Variants in SPMIP2 observed in about 807,000 individuals in gnomAD.
SPMIP2 encodes the protein sperm microtubule inner protein 2.
chr4:158,966,776 A>C, the SPMIP2 span, among the ~76,000 whole-genome samples: 1 of 152,220 alleles, frequency 6.6e-6, no homozygotes, highest in South Asian at 2.1e-4. Context: ...ACCAAGCTTT[A>C]CATTACTTTG....
the SPMIP2 span, among the ~76,000 whole-genome samples, chr4:159,028,074 C>T: frequency 6.6e-6 from 1 of 152,174 alleles, no homozygotes; most frequent in Admixed American, 6.5e-5. Flanking sequence ...CATAAATACC[C>T]CATATAAACA....
chr4:159,069,169 G>A, the SPMIP2 span, among the ~76,000 whole-genome samples: 1 of 152,066 alleles, frequency 6.6e-6, no homozygotes, highest in Non-Finnish European at 1.5e-5. Flanking sequence ...CAGGCGTGGT[G>A]GTGGGTGCCT....
the SPMIP2 span, among the ~76,000 whole-genome samples, chr4:159,062,271 T>G: frequency 3.2e-4 from 48 of 152,346 alleles, no homozygotes; most frequent in African/African-American, 1.0e-3. Context: ...AAGGGTTACA[T>G]AGATTTGAAA....
chr4:158,936,187 T>G, the SPMIP2 span, among the ~76,000 whole-genome samples: 1 of 152,308 alleles, frequency 6.6e-6, no homozygotes, highest in African/African-American at 2.4e-5. Flanking sequence ...TAAAAATAAT[T>G]CTAATAAGTG....
At chr4:158,977,445 T>C in the SPMIP2 span, among the ~76,000 whole-genome samples, 2 of 152,128 alleles carry the variant, frequency 1.3e-5, no homozygotes. Context: ...TGATCTCCCC[T>C]TTATCATTTT....
At chr4:159,029,081 CA>C in the SPMIP2 span, among the ~76,000 whole-genome samples, 1 of 152,144 alleles carries the variant, frequency 6.6e-6, no homozygotes, top group Non-Finnish European at 1.5e-5. Context: ...GGCAACAGAG[CA>C]AGACTCTGTC....
At chr4:159,055,614 G>A in the SPMIP2 span, among the ~76,000 whole-genome samples, 1 of 152,106 alleles carries the variant, frequency 6.6e-6, no homozygotes, top group Non-Finnish European at 1.5e-5. Context: ...AGGAGCTGAG[G>A]CTGGAGGATC....
At chr4:158,998,436 A>G in the SPMIP2 span, among the ~76,000 whole-genome samples, 32 of 152,210 alleles carry the variant, frequency 2.1e-4, no homozygotes, top group African/African-American at 7.7e-4. Flanking sequence ...ATTTAAGTGG[A>G]CTATTTTGTA....
At chr4:158,969,752 G>T in the SPMIP2 span, among the ~76,000 whole-genome samples, 2 of 152,130 alleles carry the variant, frequency 1.3e-5, no homozygotes, top group African/African-American at 4.8e-5. Context: ...ATCCTTAACC[G>T]CCAGTCTTAT....
chr4:158,952,962 G>C, the SPMIP2 span, among the ~76,000 whole-genome samples: 2 of 152,096 alleles, frequency 1.3e-5, no homozygotes, highest in African/African-American at 2.4e-5. Context: ...CAGCATCTTG[G>C]GTGCTGCTAA....
chr4:158,974,897 A>G, the SPMIP2 span, among the ~76,000 whole-genome samples: 2 of 152,284 alleles, frequency 1.3e-5, no homozygotes, highest in Non-Finnish European at 2.9e-5. Flanking sequence ...GTCTTCCACA[A>G]TACTTGAGCT....
chr4:158,931,801 G>A, the SPMIP2 span, among the ~76,000 whole-genome samples: 1 of 152,092 alleles, frequency 6.6e-6, no homozygotes, highest in African/African-American at 2.4e-5. Context: ...GACCTCAAGT[G>A]ATCTGCCCAC....
the SPMIP2 span, among the ~76,000 whole-genome samples, chr4:158,908,239 G>C: frequency 2.4e-3 from 367 of 152,208 alleles, 1 homozygote; most frequent in Middle Eastern, 6.8e-3. Flanking sequence ...GAGGCTGGGG[G>C]CTCAGATGAT....
At chr4:158,915,852 A>C in the SPMIP2 span, among the ~76,000 whole-genome samples, 1 of 152,210 alleles carries the variant, frequency 6.6e-6, no homozygotes, top group South Asian at 2.1e-4. Flanking sequence ...CTAAGTTCTA[A>C]CAACCCTAAA....
chr4:159,080,923 C>G, the SPMIP2 span, among the ~76,000 whole-genome samples: 1 of 152,136 alleles, frequency 6.6e-6, no homozygotes, highest in Non-Finnish European at 1.5e-5. Context: ...CGGGTTTTCA[C>G]CGTGTTAGCC....
chr4:158,992,592 G>A, the SPMIP2 span, among the ~76,000 whole-genome samples: 4 of 152,154 alleles, frequency 2.6e-5, no homozygotes, highest in African/African-American at 7.2e-5. Context: ...CAAAATACCC[G>A]AGACTAAGTA....
chr4:158,929,105 C>T, the SPMIP2 span, among the ~76,000 whole-genome samples: 1 of 152,220 alleles, frequency 6.6e-6, no homozygotes, highest in South Asian at 2.1e-4. Context: ...GCCTCAACTT[C>T]CTGGGCTCAA....
At chr4:159,055,101 C>T in the SPMIP2 span, among the ~76,000 whole-genome samples, 2 of 152,142 alleles carry the variant, frequency 1.3e-5, no homozygotes, top group African/African-American at 2.4e-5. Flanking sequence ...CTTTTGGATG[C>T]TTTTCTATTT....
chr4:159,019,862 A>G, the SPMIP2 span, among the ~76,000 whole-genome samples: 1 of 152,202 alleles, frequency 6.6e-6, no homozygotes, highest in African/African-American at 2.4e-5. Flanking sequence ...AGAGGGGGAC[A>G]GTAAATCAGT....
Sources: allele counts gnomAD v4.1 joint callset (sites outside exome capture counted in the v4.1 genomes callset), GRCh38; gene constraint gnomAD v4.1.1; transcripts MANE v1.5; gene names NCBI Gene and HGNC (gene_info 2026-07-23, HGNC 2026-07-21).